Variants in ANKRD46 observed in about 807,000 individuals in gnomAD.
ANKRD46 encodes ankyrin repeat domain-containing protein 46.
ANKRD46 carries 13 observed loss-of-function variants against 19.8 expected under a neutral mutation model. The ratio of observed to expected loss-of-function variants is 0.66; its 90% confidence interval spans 0.43 to 1.04. ANKRD46 has a LOEUF of 1.04. Among genes scored for constraint, ANKRD46 ranks in the 50% least tolerant of loss-of-function variants. The pLI, the probability that ANKRD46 is intolerant of heterozygous loss-of-function variation, is 0.00. For synonymous variants in ANKRD46, 91 were observed against 106.9 expected (o/e 0.85, Z 0.92); for missense variants, 185 against 274.8 (o/e 0.67, Z 2.31).
intron 1 of ANKRD46, among the ~76,000 whole-genome samples, chr8:100,549,351 T>C (rs1027102312): frequency 3.3e-5 from 5 of 151,966 alleles, no homozygotes. Flanking sequence ...CATAAACTTA[T>C]AAAAATACAA....
chr8:100,546,104 T>C lies in ANKRD46; in HGVS notation c.-130-12793A>G, dbSNP rs565291391. ...AAAGTTTGGAAATTTGCAGCCTGACTGGTAGAAAAGAAAACCCCATTTTCT... is the reference window on the plus strand; with the variant it reads ...AAAGTTTGGAAATTTGCAGCCTGACCGGTAGAAAAGAAAACCCCATTTTCT... On this transcript the variant is annotated intron_variant, in intron 1 of 4. Transcript: ENST00000335659. The surrounding 1 kb of genome is among the most constrained non-coding windows in gnomAD (Gnocchi z 4.0). 5.3e-5 allele frequency among the ~76,000 whole-genome samples: 8 copies of C among 152,362 alleles called. No individual in the cohort carries two copies. Among genetic ancestry groups the C allele is most frequent in the African/African-American group, 1.9e-4 (8 of 41,594 alleles).
intron 5 of ANKRD46, among the ~76,000 whole-genome samples, chr8:100,513,735 T>C (rs943168854): frequency 6.6e-6 from 1 of 152,208 alleles, no homozygotes; most frequent in African/African-American, 2.4e-5. Flanking sequence ...ACTTAAGTTA[T>C]AGTGTAAGAA....
Position 100,522,065 on chromosome 8 carries a change from A to G in ANKRD46, c.*490T>C, listed in dbSNP as rs1198963235. The G allele has an allele frequency of 1.0e-5, 10 of 986,912 alleles. No individual in the cohort carries two copies. In the East Asian group the frequency reaches 9.0e-4, roughly 89 times the overall value. 61.1% of individuals were successfully genotyped at this position (986,912 alleles called of 1,614,324 possible). On this transcript the variant is annotated 3_prime_UTR_variant, in exon 5 of 5. Transcript: ENST00000335659. ...TGCTAACAATACTAATTTGCACACA[A>G]GATTTGAAAAAAGTACTTCAAGTTT...
In ANKRD46 at chr8:100,557,191, C is replaced by A. The variant is rs1812519658; in HGVS notation, c.-131+2520G>T. On this transcript the variant is annotated intron_variant, in intron 1 of 4. Transcript: ENST00000335659. The surrounding 1 kb of genome is among the most constrained non-coding windows in gnomAD (Gnocchi z 5.9). ...TCTTCAACTCCCGTCTCTATAACCC[C>A]ACTTGAACAGGCATCTCAAACCTGA... Among the ~76,000 whole-genome samples, 1 of 152,216 alleles carries A rather than the reference C, an allele frequency of 6.6e-6. No individual in the cohort carries two copies. Among genetic ancestry groups the A allele is most frequent in the Admixed American group, 6.5e-5 (1 of 15,280 alleles).
At chr8:100,551,716 T>C in intron 1 of ANKRD46, 2 of 600,216 alleles carry the variant, frequency 3.3e-6, no homozygotes, top group East Asian at 7.3e-5. Flanking sequence ...TTCACCATGA[T>C]GTCTTAGAGA....
intron 5 of ANKRD46, among the ~76,000 whole-genome samples, chr8:100,513,242 A>G (rs1213986897): frequency 6.6e-6 from 1 of 152,168 alleles, no homozygotes; most frequent in Non-Finnish European, 1.5e-5. Flanking sequence ...AGCACCATGG[A>G]CGGCATAATA....
At position 100,514,431 on chromosome 8, in the gene ANKRD46, A is replaced by G. The variant is rs779816583; in HGVS notation, c.637-3792T>C. 9.9e-4 allele frequency among the ~76,000 whole-genome samples: 151 copies of G among 152,224 alleles called. 2 individuals carry two copies. The highest frequency in any genetic ancestry group is 6.2e-4 in the South Asian group (3 of 4,824). ...TTAAGCTGAAATTTCCCTAGGTCAG[A>G]GCTTACGTTTAAATTGATTCTTAAA... is the stretch of plus-strand genomic sequence containing the variant. On this transcript the variant is annotated intron_variant, in intron 5 of 5. Coordinates refer to the ANKRD46 transcript ENST00000520552.
At position 100,511,350 on chromosome 8, in the gene ANKRD46, C is replaced by T. The variant is rs1811545745; in HGVS notation, c.637-711G>A. On this transcript the variant is annotated intron_variant, in intron 5 of 5. Coordinates refer to the ANKRD46 transcript ENST00000520552. This position sits in a 1 kb window ranked among gnomAD's most constrained non-coding sequence, Gnocchi z 4.1. ...GCTCACCACCACACTCTTCTGCCTC[C>T]CAGTCACAAAAGAGTGGGTGTTTAT... Among the ~76,000 whole-genome samples the T allele has an allele frequency of 6.6e-6, 1 of 152,074 alleles. No individual in the cohort carries two copies. Among genetic ancestry groups the T allele is most frequent in the Non-Finnish European group, 1.5e-5 (1 of 68,000 alleles).
Position 100,557,042 on chromosome 8 carries a change from G to A in ANKRD46, c.-131+2669C>T, listed in dbSNP as rs1403250719. 2.8e-5 allele frequency among the ~76,000 whole-genome samples: 4 copies of A among 140,426 alleles called. No homozygotes were observed. The highest frequency in any genetic ancestry group is 1.1e-4 in the African/African-American group (4 of 37,640). 92.1% of individuals were successfully genotyped at this position (140,426 alleles called of 152,430 possible). ...AACTGTCTTGGGGCACACATATAAC[G>A]ATAGCTGATGAGCTTAAAAAAAAAT... On this transcript the variant is annotated intron_variant, in intron 1 of 4. Coordinates refer to ENST00000335659, the MANE Select transcript of ANKRD46 (RefSeq NM_001270377.2). This position sits in a 1 kb window ranked among gnomAD's most constrained non-coding sequence, Gnocchi z 5.9.
chr8:100,529,478 TA>T lies in ANKRD46; in HGVS notation c.311+44del. ...AAGATAAGATTATCAGTTGAGAGAT[TA>T]ATGGGAAGAAATGACTAGACTTCTA... On this transcript the variant is annotated intron_variant, in intron 3 of 4. Transcript: ENST00000335659. The surrounding 1 kb of genome is among the most constrained non-coding windows in gnomAD (Gnocchi z 5.8). 5 of 1,546,732 alleles carry T rather than the reference TA, an allele frequency of 3.2e-6. No homozygotes were observed. The highest frequency in any genetic ancestry group is 4.4e-6 in the Non-Finnish European group (5 of 1,138,220).
rs1216437083 is a variant in ANKRD46, at chr8:100,551,687, A to G, written c.-131+8024T>C. On this transcript the variant is annotated intron_variant, in intron 1 of 4. Coordinates refer to ENST00000335659, the MANE Select transcript of ANKRD46 (RefSeq NM_001270377.2). ...CAGGTGCCCAATATGGCCCAAATCT[A>G]TTTACTCTGGCCTTCACCTTCACCA... 7.9e-6 allele frequency: 5 copies of G among 634,608 alleles called. No homozygotes were observed. In the East Asian group the frequency reaches 1.8e-4, roughly 22 times the overall value. The allele number at this position is 634,608 out of a possible 1,614,324, so 39.3% of individuals were successfully genotyped here.
chr8:100,542,055 C>T (rs1350801019), intron 1 of ANKRD46, among the ~76,000 whole-genome samples: 1 of 152,078 alleles, frequency 6.6e-6, no homozygotes, highest in African/African-American at 2.4e-5. Context: ...GGATGTACTG[C>T]ATCCTTCACA....
intron 3 of ANKRD46, among the ~76,000 whole-genome samples, chr8:100,528,888 G>A (rs1250017222): frequency 1.3e-5 from 2 of 152,084 alleles, no homozygotes; most frequent in Admixed American, 6.6e-5. Context: ...ACTTGACATC[G>A]TTCCCACTCA....
At chr8:100,555,706 T>G (rs1812482797) in intron 1 of ANKRD46, among the ~76,000 whole-genome samples, 1 of 47,666 alleles carries the variant, frequency 2.1e-5, no homozygotes, top group Non-Finnish European at 3.7e-5. Context: ...GGCACCAACT[T>G]AATATTTTCC....
At position 100,525,428 on chromosome 8, in the gene ANKRD46, C is replaced by T. The variant is rs1457050116; in HGVS notation, c.470+2417G>A. On this transcript the variant is annotated intron_variant, in intron 4 of 4. Coordinates refer to ENST00000335659, the MANE Select transcript of ANKRD46 (RefSeq NM_001270377.2). This position sits in a 1 kb window ranked among gnomAD's most constrained non-coding sequence, Gnocchi z 4.4. The stretch of plus-strand genomic sequence containing the variant: ...CTCCCATTGCCCCTTCTCCCAGCTT[C>T]TAGTCTACTTTCTCATCTACTTTCT... Among the ~76,000 whole-genome samples, 1 of 152,210 alleles carries T rather than the reference C, an allele frequency of 6.6e-6. No homozygotes were observed.
chr8:100,515,057 T>G, intron 5 of ANKRD46, among the ~76,000 whole-genome samples: 1 of 152,318 alleles, frequency 6.6e-6, no homozygotes, highest in Non-Finnish European at 1.5e-5. Flanking sequence ...AAGACATCTC[T>G]GGCACACTGG....
chr8:100,521,646 T>C lies in ANKRD46; in HGVS notation c.*909A>G, dbSNP rs1811726543. On this transcript the variant is annotated 3_prime_UTR_variant, in exon 5 of 5. Transcript: ENST00000335659. ...CCTCCAAATAGGATTGCACATGAAA[T>C]AATTATGAACTATGATAAAACTGTG... 1 of 985,344 alleles carries C rather than the reference T, an allele frequency of 1.0e-6. No homozygotes were observed. The allele number at this position is 985,344 out of a possible 1,614,324, so 61.0% of individuals were successfully genotyped here.
chr8:100,551,751 A>C, intron 1 of ANKRD46: 1 of 533,114 alleles, frequency 1.9e-6, no homozygotes, highest in Non-Finnish European at 3.5e-6. Context: ...GAGGATGGTC[A>C]GCACTGAGTG....
At chr8:100,528,101 AG>A in intron 3 of ANKRD46, 98 bp from the exon 4 acceptor site, 6 of 1,280,062 alleles carry the variant, frequency 4.7e-6, no homozygotes, top group Non-Finnish European at 6.1e-6. Context: ...CCACTTATAT[AG>A]ATCTCAGTGA....
Sources: gnomAD v4.1 joint callset for allele counts (sites outside exome capture counted in the v4.1 genomes callset) on GRCh38, gnomAD v4.1.1 for gene constraint, Gnocchi (gnomAD v3.1) non-coding constraint, MANE v1.5 for transcripts, NCBI Gene and HGNC (gene_info 2026-07-23, HGNC 2026-07-21) for gene names.